Variants in FXYD6 observed in about 807,000 individuals in gnomAD.
FXYD6 encodes FXYD domain-containing ion transport regulator 6.
FXYD6 carries 7 observed loss-of-function variants against 16.7 expected under a neutral mutation model. The ratio of observed to expected loss-of-function variants is 0.42; its 90% CI spans 0.24 to 0.79. The LOEUF (loss-of-function observed/expected upper bound fraction) is 0.79. FXYD6 is among the 30% of genes least tolerant of loss of function. The pLI is 0.28. For missense variants in FXYD6, 111 were observed against 116.2 expected (o/e 0.95, Z 0.21); for synonymous variants, 49 against 43.0 (o/e 1.14, Z -0.54).
At chr11:117,839,706 C>T (rs548519106) in intron 7 of FXYD6, 75 bp downstream of exon 7, 55 of 1,575,366 alleles carry the variant, frequency 3.5e-5, no homozygotes, top group African/African-American at 3.4e-4. Context: ...CCATCCTTCC[C>T]GCCTGAACCC....
chr11:117,846,776 A>C (rs1216590045), intron 1 of FXYD6, among the ~76,000 whole-genome samples: 1 of 152,176 alleles, frequency 6.6e-6, no homozygotes, highest in African/African-American at 2.4e-5. Flanking sequence ...TGATAGCTTC[A>C]TAGTAATCTT....
intron 1 of FXYD6, among the ~76,000 whole-genome samples, chr11:117,849,631 T>C (rs912597915): frequency 6.6e-6 from 1 of 152,116 alleles, no homozygotes; most frequent in African/African-American, 2.4e-5. Context: ...TATCCCCATA[T>C]TTGAAACAGA....
chr11:117,844,740 C>T (rs2056434927), intron 1 of FXYD6, among the ~76,000 whole-genome samples: 1 of 152,182 alleles, frequency 6.6e-6, no homozygotes, highest in Non-Finnish European at 1.5e-5. Context: ...ATCCACCCAC[C>T]TCGGCCTCCC....
chr11:117,841,734 C>A, intron 4 of FXYD6, 57 bp downstream of exon 4: 5 of 1,604,960 alleles, frequency 3.1e-6, no homozygotes, highest in Middle Eastern at 1.7e-4. Context: ...ACTGTCCCCA[C>A]CTGCTTAGCA....
intron 1 of FXYD6, among the ~76,000 whole-genome samples, chr11:117,867,329 C>T (rs936235680): frequency 4.6e-5 from 7 of 152,176 alleles, no homozygotes; most frequent in Admixed American, 4.6e-4. Context: ...GTTTCCGGGG[C>T]TTCCTCTCTC....
chr11:117,844,649 C>A (rs2056432973), intron 1 of FXYD6, among the ~76,000 whole-genome samples: 1 of 152,106 alleles, frequency 6.6e-6, no homozygotes, highest in Non-Finnish European at 1.5e-5. Flanking sequence ...CATGCACCAC[C>A]ACACCCAGCT....
intron 1 of FXYD6, among the ~76,000 whole-genome samples, chr11:117,869,990 T>G (rs1183445562): frequency 1.3e-5 from 2 of 152,234 alleles, no homozygotes; most frequent in Non-Finnish European, 2.9e-5. Context: ...CCCCATTCTC[T>G]GGGCCCCAGC....
chr11:117,847,618 G>C (rs558190281), intron 1 of FXYD6, among the ~76,000 whole-genome samples: 1 of 150,174 alleles, frequency 6.7e-6, no homozygotes, highest in South Asian at 2.1e-4. Context: ...GCGGTGTTTG[G>C]TTTTTTTGTC....
At chr11:117,864,246 A>G (rs1301898444) in intron 1 of FXYD6, among the ~76,000 whole-genome samples, 1 of 152,250 alleles carries the variant, frequency 6.6e-6, no homozygotes. Context: ...GAACAGACAT[A>G]TATACACCAA....
chr11:117,847,133 A>G (rs977571776), intron 1 of FXYD6, among the ~76,000 whole-genome samples: 2 of 152,170 alleles, frequency 1.3e-5, no homozygotes, highest in Non-Finnish European at 2.9e-5. Flanking sequence ...TGCTGCTTTC[A>G]ATGTCACCTT....
rs561422949 is a variant in FXYD6, at chr11:117,871,454, C to T, written c.-6+5138G>A. Among the ~76,000 whole-genome samples the T allele has an allele frequency of 6.1e-5, 5 of 81,596 alleles. No homozygotes were observed. The East Asian group carries it at 1.1e-3, about 18-fold the overall frequency. 53.5% of individuals were successfully genotyped at this position (81,596 alleles called of 152,430 possible). ...GCCATTGAGAGGCGGTGCAGTGGAG[C>T]GGGCGGGGTGGGAGGCGGGGCGTGT... On this transcript the variant is annotated intron_variant, in intron 1 of 7. Transcript: ENST00000526014.
chr11:117,871,667 TC>T (rs1345671241), intron 1 of FXYD6, among the ~76,000 whole-genome samples: 1 of 152,172 alleles, frequency 6.6e-6, no homozygotes. Flanking sequence ...ATTCTAATAA[TC>T]CTAATAATGT....
At chr11:117,857,786 A>G (rs1038973204) in intron 1 of FXYD6, among the ~76,000 whole-genome samples, 1 of 152,144 alleles carries the variant, frequency 6.6e-6, no homozygotes, top group Non-Finnish European at 1.5e-5. Context: ...GGTCTGATCT[A>G]TTCGTGCTAA....
chr11:117,873,819 C>T (rs572335051), intron 1 of FXYD6, among the ~76,000 whole-genome samples: 65 of 152,282 alleles, frequency 4.3e-4, no homozygotes, highest in Non-Finnish European at 8.1e-4. Flanking sequence ...TCTCCCCCAT[C>T]TCCTTGCCAC....
chr11:117,842,034 AAAAC>A lies in FXYD6; in HGVS notation c.59-10_59-7del, dbSNP rs759868037. 15 of 1,614,068 alleles carry A rather than the reference AAAAC, an allele frequency of 9.3e-6. No homozygotes were observed. The highest frequency in any genetic ancestry group is 4.4e-5 in the South Asian group (4 of 91,092). ...TTCCTTCTCCTTTTCAGCTGCTGCAAAAACAAACAGTTGGTCAAGAGAAAGAAAG... is the reference window on the plus strand; with the variant it reads ...TTCCTTCTCCTTTTCAGCTGCTGCAAAAACAGTTGGTCAAGAGAAAGAAAG... On this transcript the variant is annotated splice_polypyrimidine_tract_variant and splice_region_variant and intron_variant, in intron 2 of 7. Coordinates refer to ENST00000526014, the MANE Select transcript of FXYD6 (RefSeq NM_022003.4).
intron 1 of FXYD6, among the ~76,000 whole-genome samples, chr11:117,847,631 T>C (rs558857848): frequency 1.1e-4 from 17 of 151,766 alleles, no homozygotes; most frequent in African/African-American, 4.1e-4. Context: ...TTTTTGTCCT[T>C]ATGATAGTTT....
chr11:117,839,992 T>C, intron 6 of FXYD6, 162 bp from the exon 7 acceptor site: 1 of 883,442 alleles, frequency 1.1e-6, no homozygotes, highest in Non-Finnish European at 1.8e-6. Context: ...CCCTGCTACT[T>C]GCTGCTTACA....
intron 1 of FXYD6, among the ~76,000 whole-genome samples, chr11:117,861,260 C>T (rs2056899970): frequency 6.6e-6 from 1 of 152,238 alleles, no homozygotes; most frequent in Admixed American, 6.5e-5. Context: ...ATCTCAGCTC[C>T]TTCCCTGTAG....
chr11:117,857,702 C>T (rs528462749), intron 1 of FXYD6, among the ~76,000 whole-genome samples: 3 of 152,240 alleles, frequency 2.0e-5, no homozygotes, highest in African/African-American at 4.8e-5. Context: ...CCACCACACC[C>T]GGCCCAGGTG....
Sources: allele counts gnomAD v4.1 joint callset (sites outside exome capture counted in the v4.1 genomes callset), GRCh38; gene constraint gnomAD v4.1.1; transcripts MANE v1.5; gene names NCBI Gene and HGNC (gene_info 2026-07-23, HGNC 2026-07-21).